GRID2: variants seen among roughly 807,000 people sequenced by gnomAD.
The protein encoded by GRID2 is glutamate receptor ionotropic, delta-2.
In GRID2, 33 loss-of-function variants were observed where a neutral mutation model predicts 114.8. The observed-to-expected ratio is 0.29, with a 90% CI of 0.22 to 0.38. The LOEUF is 0.38. Among genes scored for constraint, GRID2 ranks in the 10% least tolerant of loss-of-function variants. The pLI is 1.00. For missense variants in GRID2, 1,184 were observed against 1,257.7 expected (o/e 0.94, Z 0.89); for synonymous variants, 505 against 449.9 (o/e 1.12, Z -1.55).
chr4:93,135,999 C>T (rs1260870897), intron 4 of GRID2, among the ~76,000 whole-genome samples: 2 of 152,080 alleles, frequency 1.3e-5, no homozygotes, highest in Non-Finnish European at 2.9e-5. Context: ...TCTTGTAATA[C>T]AAACTATATG....
chr4:92,900,812 C>T (rs1205074744), intron 2 of GRID2, among the ~76,000 whole-genome samples: 10 of 119,426 alleles, frequency 8.4e-5, no homozygotes, highest in South Asian at 2.7e-4. Flanking sequence ...CCAGCCTGGG[C>T]GACAGAGTGA....
chr4:93,554,663 G>A (rs1409571440), intron 13 of GRID2, among the ~76,000 whole-genome samples: 1 of 152,082 alleles, frequency 6.6e-6, no homozygotes, highest in African/African-American at 2.4e-5. Flanking sequence ...GTGCAGTGAT[G>A]CAATCCTAGC....
intron 8 of GRID2, among the ~76,000 whole-genome samples, chr4:93,329,954 A>C (rs1758254337): frequency 1.3e-5 from 2 of 152,076 alleles, no homozygotes; most frequent in Non-Finnish European, 2.9e-5. Flanking sequence ...CTGCTCTCTG[A>C]ATAATCTGAT....
rs1352918304 is a variant in GRID2 at position 92,940,225 on chromosome 4, A to G, written c.245-144770A>G. Among the ~76,000 whole-genome samples, 10 of 146,622 alleles carry G rather than the reference A, an allele frequency of 6.8e-5. 1 individual carries two copies. The highest frequency in any genetic ancestry group is 4.3e-4 in the East Asian group (2 of 4,600). ...ATGGAATGTTCTTCCATTTGTTTGT[A>G]TCCTCTTTTATTTCATTGAGCAGTG... On this transcript the variant is annotated intron_variant, in intron 2 of 15. Coordinates refer to ENST00000282020, the MANE Select transcript of GRID2 (RefSeq NM_001510.4).
intron 2 of GRID2, among the ~76,000 whole-genome samples, chr4:92,664,759 T>A (rs1419412049): frequency 6.6e-6 from 1 of 151,298 alleles, no homozygotes; most frequent in Non-Finnish European, 1.5e-5. Flanking sequence ...CAGTGTTGAT[T>A]CTGTTATTAA....
chr4:93,627,931 T>C (rs182084452), intron 14 of GRID2, among the ~76,000 whole-genome samples: 1 of 152,284 alleles, frequency 6.6e-6, no homozygotes, highest in Admixed American at 6.5e-5. Flanking sequence ...CTCAGCACTT[T>C]GGGAGGCCAA....
intron 2 of GRID2, among the ~76,000 whole-genome samples, chr4:92,989,255 T>G (rs1307012051): frequency 5.1e-5 from 6 of 117,720 alleles, no homozygotes; most frequent in Non-Finnish European, 9.6e-5. Flanking sequence ...CCAGCCTGGG[T>G]GACAGAGCGA....
In GRID2 at chr4:92,457,837, A is replaced by G. The variant is rs1430635321; in HGVS notation, c.89-132294A>G. ...ATGAATCTATGCCTGTCTGTTTGCA[A>G]GGATTTGTGTAGCACTCTTGCACCT... On this transcript the variant is annotated intron_variant, in intron 1 of 15. Coordinates refer to ENST00000282020, the MANE Select transcript of GRID2 (RefSeq NM_001510.4). 3.3e-5 allele frequency among the ~76,000 whole-genome samples: 5 copies of G among 152,296 alleles called. No individual in the cohort carries two copies. In the East Asian group the frequency reaches 9.7e-4, roughly 29 times the overall value.
intron 1 of GRID2, among the ~76,000 whole-genome samples, chr4:92,438,268 AG>A (rs1330244932): frequency 1.3e-5 from 2 of 152,148 alleles, no homozygotes; most frequent in African/African-American, 4.8e-5. Context: ...TGTCACACAA[AG>A]CTTACTTTAA....
chr4:92,682,208 G>C (rs760786939), intron 2 of GRID2, among the ~76,000 whole-genome samples: 46 of 152,084 alleles, frequency 3.0e-4, no homozygotes, highest in Non-Finnish European at 5.9e-4. Context: ...TGGAATTTGA[G>C]ATGGAACTAT....
At chr4:92,783,454 C>A (rs936092144) in intron 2 of GRID2, among the ~76,000 whole-genome samples, 3 of 151,934 alleles carry the variant, frequency 2.0e-5, no homozygotes, top group African/African-American at 7.3e-5. Flanking sequence ...TCATTAAAAT[C>A]CAATTAGTAA....
chr4:93,618,627 T>C (rs1358041130), intron 13 of GRID2, among the ~76,000 whole-genome samples: 1 of 152,204 alleles, frequency 6.6e-6, no homozygotes, highest in African/African-American at 2.4e-5. Context: ...CAACAGAACA[T>C]GTATATTAAT....
At chr4:92,961,863 T>A (rs1200256901) in intron 2 of GRID2, among the ~76,000 whole-genome samples, 1 of 151,924 alleles carries the variant, frequency 6.6e-6, no homozygotes, top group Non-Finnish European at 1.5e-5. Context: ...ATGGTTTTTT[T>A]AATCTTTTTT....
intron 2 of GRID2, among the ~76,000 whole-genome samples, chr4:92,755,992 T>C (rs1737701396): frequency 1.3e-5 from 2 of 152,146 alleles, no homozygotes; most frequent in Middle Eastern, 3.2e-3. Context: ...TTCTAGCTAT[T>C]TGAAATGTAC....
chr4:92,418,585 A>G (rs1203363157), intron 1 of GRID2, among the ~76,000 whole-genome samples: 3 of 152,130 alleles, frequency 2.0e-5, no homozygotes, highest in Non-Finnish European at 4.4e-5. Context: ...AGAGATTTAA[A>G]TATGAGACAA....
chr4:93,232,193 T>C (rs1296222251), intron 7 of GRID2, among the ~76,000 whole-genome samples: 2 of 152,180 alleles, frequency 1.3e-5, no homozygotes, highest in African/African-American at 4.8e-5. Context: ...ACCTGAATTT[T>C]AGAACACCTT....
At chr4:93,203,477 A>G (rs1487303162) in intron 4 of GRID2, among the ~76,000 whole-genome samples, 1 of 152,186 alleles carries the variant, frequency 6.6e-6, no homozygotes, top group Non-Finnish European at 1.5e-5. Flanking sequence ...TCCAGATAAA[A>G]ATGTGTTTGT....
chr4:93,789,015 G>A (rs530862884), intron 1 of GRID2, among the ~76,000 whole-genome samples: 2 of 152,060 alleles, frequency 1.3e-5, no homozygotes, highest in Admixed American at 1.3e-4. Flanking sequence ...TGTCTTTAAG[G>A]AACAGAGAAA....
At chr4:92,426,981 A>G (rs925739983) in intron 1 of GRID2, among the ~76,000 whole-genome samples, 1 of 152,130 alleles carries the variant, frequency 6.6e-6, no homozygotes, top group African/African-American at 2.4e-5. Context: ...TTTTTGACCA[A>G]TGGTATCAAA....
Sources: allele counts gnomAD v4.1 joint callset (sites outside exome capture counted in the v4.1 genomes callset), GRCh38; gene constraint gnomAD v4.1.1; transcripts MANE v1.5; gene names NCBI Gene and HGNC (gene_info 2026-07-23, HGNC 2026-07-21).